The following ADAMTSL1 variants were observed in gnomAD, a reference collection of about 807,000 sequenced individuals.
ADAMTSL1 encodes ADAMTS like 1, also known as ADAMTS-like protein 1.
A neutral mutation model predicts 201.8 loss-of-function variants in ADAMTSL1; 126 were observed. The ratio of observed to expected loss-of-function variants is 0.62; its 90% CI spans 0.54 to 0.72. ADAMTSL1 has a LOEUF of 0.72. Among genes scored for constraint, ADAMTSL1 ranks in the 30% least tolerant of loss-of-function variants. The probability of loss-of-function intolerance (pLI) is 0.00; values close to 1 mark genes in which losing one functional copy is unlikely to be tolerated. For synonymous variants in ADAMTSL1, 1,121 were observed against 903.4 expected, an observed-to-expected ratio of 1.24 and a Z score of -4.32; for missense variants, 2,679 against 2,277.8, an observed-to-expected ratio of 1.18 and a Z score of -3.59.
At chr9:18,812,967 C>CTT (rs35159482) in intron 20 of ADAMTSL1, among the ~76,000 whole-genome samples, 3,583 of 118,574 alleles carry the variant, frequency 0.03, 203 homozygotes, top group African/African-American at 0.11. Context: ...CAGCTATGTA[C>CTT]TTTTTTTTTT....
intron 14 of ADAMTSL1, among the ~76,000 whole-genome samples, chr9:18,714,116 T>A (rs1832771062): frequency 6.6e-6 from 1 of 152,106 alleles, no homozygotes; most frequent in East Asian, 1.9e-4. Flanking sequence ...AGAGGGAAAT[T>A]TATAGCACTA....
intron 2 of ADAMTSL1, among the ~76,000 whole-genome samples, chr9:18,526,763 G>A (rs1413077639): frequency 1.3e-5 from 2 of 152,164 alleles, no homozygotes; most frequent in Non-Finnish European, 2.9e-5. Flanking sequence ...TAGCTCCAGT[G>A]AGTACTGAAA....
At chr9:18,667,182 C>A (rs138291513) in intron 9 of ADAMTSL1, among the ~76,000 whole-genome samples, 1 of 151,862 alleles carries the variant, frequency 6.6e-6, no homozygotes, top group Non-Finnish European at 1.5e-5. Context: ...TTGTATACCC[C>A]CAAGCGGCAA....
intron 1 of ADAMTSL1, among the ~76,000 whole-genome samples, chr9:17,964,441 G>A (rs1451884586): frequency 6.6e-6 from 1 of 152,140 alleles, no homozygotes; most frequent in African/African-American, 2.4e-5. Context: ...GGTAGCCAGG[G>A]GTTAGGGAGA....
chr9:18,210,920 A>G (rs752561399), intron 2 of ADAMTSL1, among the ~76,000 whole-genome samples: 1 of 152,040 alleles, frequency 6.6e-6, no homozygotes, highest in Non-Finnish European at 1.5e-5. Flanking sequence ...CAGAGACATT[A>G]GAGAAACACA....
chr9:18,224,016 G>A (rs1197066909), intron 2 of ADAMTSL1, among the ~76,000 whole-genome samples: 1 of 152,066 alleles, frequency 6.6e-6, no homozygotes, highest in Non-Finnish European at 1.5e-5. Flanking sequence ...ATAAGTAAAA[G>A]CATTCTTTTT....
chr9:17,964,141 A>G (rs1817879097), intron 1 of ADAMTSL1, among the ~76,000 whole-genome samples: 1 of 152,198 alleles, frequency 6.6e-6, no homozygotes, highest in Admixed American at 6.5e-5. Flanking sequence ...TATTAGTAAC[A>G]CACTATACAT....
intron 7 of ADAMTSL1, among the ~76,000 whole-genome samples, chr9:18,649,676 A>G (rs998115121): frequency 6.6e-6 from 1 of 152,172 alleles, no homozygotes; most frequent in Non-Finnish European, 1.5e-5. Context: ...TTGCCTGGGT[A>G]TCAGCAGCGG....
At position 18,487,110 on chromosome 9, in the gene ADAMTSL1, A is replaced by T. The variant is rs115724316; in HGVS notation, c.63+12815A>T. On this transcript the variant is annotated intron_variant, in intron 1 of 28. Coordinates refer to ENST00000380548, the MANE Select transcript of ADAMTSL1 (RefSeq NM_001040272.6). ...GGTCTTCAGAAAATAATCAGGCCATATCTGAAATTCCTCAATTTATCATTT... is the reference window on the plus strand; with the variant it reads ...GGTCTTCAGAAAATAATCAGGCCATTTCTGAAATTCCTCAATTTATCATTT... Among the ~76,000 whole-genome samples the T allele has an allele frequency of 2.2e-3, 333 of 152,356 alleles. 2 individuals are homozygous for T. The highest frequency in any genetic ancestry group is 7.5e-3 in the African/African-American group (313 of 41,578).
intron 2 of ADAMTSL1, among the ~76,000 whole-genome samples, chr9:18,275,259 T>G (rs566900880): frequency 6.6e-6 from 1 of 152,280 alleles, no homozygotes; most frequent in African/African-American, 2.4e-5. Context: ...TTACTCCCAT[T>G]ATTGTGCGCA....
At chr9:18,509,230 A>AAAG (rs1405434753) in intron 2 of ADAMTSL1, among the ~76,000 whole-genome samples, 1 of 84,780 alleles carries the variant, frequency 1.2e-5, no homozygotes, top group African/African-American at 5.7e-5. Context: ...AAAAAAAAAA[A>AAAG]AAGAAATAGA....
At chr9:18,642,494 C>A (rs572677636) in intron 7 of ADAMTSL1, among the ~76,000 whole-genome samples, 21 of 152,110 alleles carry the variant, frequency 1.4e-4, no homozygotes, top group Non-Finnish European at 1.9e-4. Context: ...TTGTTATTAA[C>A]TGCAGCCACC....
At chr9:18,438,603 C>G (rs1587215963) in intron 2 of ADAMTSL1, among the ~76,000 whole-genome samples, 1 of 152,196 alleles carries the variant, frequency 6.6e-6, no homozygotes, top group Admixed American at 6.5e-5. Context: ...CTTGCATTCG[C>G]TTTCTTCTCG....
At chr9:18,281,682 A>G (rs1832795186) in intron 2 of ADAMTSL1, among the ~76,000 whole-genome samples, 1 of 152,242 alleles carries the variant, frequency 6.6e-6, no homozygotes, top group South Asian at 2.1e-4. Flanking sequence ...AAGGGCTCAG[A>G]CAACCTGTTC....
chr9:18,422,063 A>C (rs1818978506), intron 2 of ADAMTSL1, among the ~76,000 whole-genome samples: 2 of 152,050 alleles, frequency 1.3e-5, no homozygotes, highest in African/African-American at 2.4e-5. Context: ...ATGTTGTACT[A>C]CCTCTTATAA....
intron 1 of ADAMTSL1, among the ~76,000 whole-genome samples, chr9:18,021,321 G>T (rs1820472712): frequency 6.6e-6 from 1 of 152,104 alleles, no homozygotes; most frequent in Non-Finnish European, 1.5e-5. Context: ...TTGAAATGTG[G>T]TTTGTAACAA....
intron 2 of ADAMTSL1, among the ~76,000 whole-genome samples, chr9:18,234,273 A>C (rs1433352172): frequency 6.6e-6 from 1 of 152,142 alleles, no homozygotes; most frequent in Non-Finnish European, 1.5e-5. Flanking sequence ...GTGTGTGAGC[A>C]GGTGTGAGAG....
At chr9:18,775,618 T>C in intron 17 of ADAMTSL1, 125 bp from the exon 18 acceptor site, 1 of 1,246,234 alleles carries the variant, frequency 8.0e-7, no homozygotes, top group South Asian at 1.3e-5. Flanking sequence ...AATTAGTATT[T>C]CTATCACAGT....
At chr9:17,952,270 G>C (rs369635392) in intron 1 of ADAMTSL1, among the ~76,000 whole-genome samples, 4 of 151,486 alleles carry the variant, frequency 2.6e-5, no homozygotes. Flanking sequence ...TTTTTCTTTA[G>C]GACATATTTT....
Sources: allele counts gnomAD v4.1 joint callset (sites outside exome capture counted in the v4.1 genomes callset), GRCh38; gene constraint gnomAD v4.1.1; transcripts MANE v1.5; gene names NCBI Gene and HGNC (gene_info 2026-07-23, HGNC 2026-07-21).